The following BTF3 variants were observed in gnomAD, a reference collection of about 807,000 sequenced individuals.
BTF3 encodes the protein transcription factor BTF3.
In BTF3, 12 loss-of-function variants were observed where a neutral mutation model predicts 23.9. The observed-to-expected ratio is 0.50, with a 90% CI of 0.32 to 0.81. The LOEUF (loss-of-function observed/expected upper bound fraction) is 0.81. BTF3 is among the 40% of genes least tolerant of loss of function. The pLI is 0.03. For missense variants in BTF3, 215 were observed against 255.9 expected (o/e 0.84, Z 1.09); for synonymous variants, 96 against 94.8 (o/e 1.01, Z -0.07).
Position 73,498,736 on chromosome 5 carries a change from T to C in BTF3, c.69T>C (p.Pro23=). ...GAGGTCGAGCCAGGGGCGGCTGCCC[T>C]GGGGGCGAGGCGACGCTGTCTCAAC... ...RGRGRARGGC[P]GGEATLSQPP... is the part of the protein sequence containing the mutation. The change falls in exon 1 of 6, where the codon CCT becomes CCC. Residue 23 remains proline, a synonymous_variant. Coordinates refer to ENST00000380591, the MANE Select transcript of BTF3 (RefSeq NM_001037637.2). 1 of 1,489,224 alleles carries C rather than the reference T, an allele frequency of 6.7e-7. No homozygotes were observed. Among genetic ancestry groups the C allele is most frequent in the Admixed American group, 2.7e-5 (1 of 36,482 alleles). The allele number at this position is 1,489,224 out of a possible 1,614,324, so 92.3% of individuals were successfully genotyped here. A position where few individuals can be genotyped will look rare whatever the true frequency, so the allele number is the denominator to read the frequency against.
chr5:73,504,489 G>C (rs1746512387), intron 5 of BTF3, 86 bp downstream of exon 5: 1 of 1,053,312 alleles, frequency 9.5e-7, no homozygotes. Context: ...CCAGGGAAGA[G>C]GGGTGGTAAG....
intron 2 of BTF3, among the ~76,000 whole-genome samples, chr5:73,501,566 G>T (rs76577613): frequency 0.02 from 3,105 of 152,234 alleles, 97 homozygotes; most frequent in African/African-American, 0.071. Context: ...TGCAGTGAGG[G>T]AAAGAGCCAT....
Position 73,505,337 on chromosome 5 carries a change from T to C in BTF3, c.*99T>C. The stretch of plus-strand genomic sequence containing the variant: ...AAGAAATTTTTGTTTATGGATCTGA[T>C]AAAATCTAGATCTCTAATATTTTTA... On this transcript the variant is annotated 3_prime_UTR_variant, in exon 6 of 6. Transcript: ENST00000380591. The C allele has an allele frequency of 2.8e-6, 3 of 1,062,512 alleles. No individual in the cohort carries two copies. Among genetic ancestry groups the C allele is most frequent in the Non-Finnish European group, 4.1e-6 (3 of 725,304 alleles). The allele number at this position is 1,062,512 out of a possible 1,614,324, so 65.8% of individuals were successfully genotyped here.
chr5:73,503,516 C>CA (rs1239644538), intron 4 of BTF3, among the ~76,000 whole-genome samples: 3 of 152,090 alleles, frequency 2.0e-5, no homozygotes, highest in African/African-American at 7.2e-5. Context: ...AATGGCTTGC[C>CA]AGTATTCTGG....
At chr5:73,500,065 C>A (rs1254682686) in intron 2 of BTF3, among the ~76,000 whole-genome samples, 1 of 152,180 alleles carries the variant, frequency 6.6e-6, no homozygotes, top group Non-Finnish European at 1.5e-5. Context: ...TTAGAGTTAG[C>A]TGTGAGATAG....
chr5:73,504,601 A>G, intron 5 of BTF3, 198 bp downstream of exon 5: 1 of 432,792 alleles, frequency 2.3e-6, no homozygotes, highest in East Asian at 3.9e-5. Context: ...TCTGTTTGGG[A>G]TCCCAAGGAT....
rs1561254584 is a variant in BTF3 at position 73,502,473 on chromosome 5, TCTC to T, written c.202-13_202-11del. 1.9e-6 allele frequency: 3 copies of T among 1,567,720 alleles called. No individual in the cohort carries two copies. The East Asian group carries it at 6.7e-5, about 35-fold the overall frequency. On this transcript the variant is annotated splice_polypyrimidine_tract_variant and intron_variant, in intron 2 of 5. Transcript: ENST00000380591. Reference sequence around the variant, plus strand: ...ATAAATGTGCTGTTTTCTTTCCTCTTCTCCCTGACTTTAGGGAACTGCTCGCAG... The same window carrying T: ...ATAAATGTGCTGTTTTCTTTCCTCTTCCTGACTTTAGGGAACTGCTCGCAG...
At position 73,504,118 on chromosome 5, in the gene BTF3, G is replaced by A. The variant is rs142864602; in HGVS notation, c.518-229G>A. On this transcript the variant is annotated intron_variant, in intron 4 of 5. Coordinates refer to ENST00000380591, the MANE Select transcript of BTF3 (RefSeq NM_001037637.2). ...GTGGCCCAGAGGGATTGAAAGGATG[G>A]GTATGGAATTTTGTTTGTTGGCTGT... 7.4e-3 allele frequency among the ~76,000 whole-genome samples: 1,125 copies of A among 152,060 alleles called. 7 individuals are homozygous for A. The highest frequency in any genetic ancestry group is 0.013 in the Non-Finnish European group (866 of 67,992).
At chr5:73,499,642 G>A (rs1746386345) in intron 2 of BTF3, 1 of 256,076 alleles carries the variant, frequency 3.9e-6, no homozygotes, top group African/African-American at 2.3e-5. Context: ...TATTTCAAGG[G>A]TATTTGAAGA....
intron 2 of BTF3, among the ~76,000 whole-genome samples, chr5:73,501,182 G>A (rs1314494359): frequency 6.6e-6 from 1 of 152,110 alleles, no homozygotes; most frequent in Non-Finnish European, 1.5e-5. Context: ...AGGGAAAGGG[G>A]GTAATTGCAG....
Position 73,498,563 on chromosome 5 carries a change from A to C in BTF3, c.-105A>C. Reference sequence around the variant, plus strand: ...CCCCTTATTCGCTCCGACAAGGTACAAAAAGGCTCTGGACGGCGGCGTGGT... The same window carrying C: ...CCCCTTATTCGCTCCGACAAGGTACCAAAAGGCTCTGGACGGCGGCGTGGT... On this transcript the variant is annotated 5_prime_UTR_variant, in exon 1 of 6. Coordinates refer to ENST00000380591, the MANE Select transcript of BTF3 (RefSeq NM_001037637.2). 7.2e-7 allele frequency: 1 copy of C among 1,393,660 alleles called. No individual in the cohort carries two copies. The highest frequency in any genetic ancestry group is 1.6e-5 in the South Asian group (1 of 62,848). The allele number at this position is 1,393,660 out of a possible 1,614,324, so 86.3% of individuals were successfully genotyped here.
chr5:73,500,446 C>T (rs1211723432), intron 2 of BTF3, among the ~76,000 whole-genome samples: 1 of 152,148 alleles, frequency 6.6e-6, no homozygotes, highest in South Asian at 2.1e-4. Flanking sequence ...CTTTGGGAGA[C>T]ATCATTTTAG....
chr5:73,499,244 G>A (rs1182801900), intron 2 of BTF3, 42 bp downstream of exon 2: 1 of 1,579,770 alleles, frequency 6.3e-7, no homozygotes, highest in Non-Finnish European at 8.7e-7. Flanking sequence ...TTTTTTTAAG[G>A]TTTAGGTATT....
At chr5:73,504,237 G>A in intron 4 of BTF3, 110 bp from the exon 5 acceptor site, 1 of 698,398 alleles carries the variant, frequency 1.4e-6, no homozygotes, top group Admixed American at 3.9e-5. Flanking sequence ...ATGGAAATAA[G>A]TTGTAACAAC....
At position 73,503,130 on chromosome 5, in the gene BTF3, GTAA is replaced by G. The variant is rs780992997; in HGVS notation, c.517+15_517+17del. The G allele has an allele frequency of 6.2e-7, 1 of 1,610,782 alleles. No individual in the cohort carries two copies. The highest frequency in any genetic ancestry group is 1.8e-4 in the Middle Eastern group (1 of 5,500). On this transcript the variant is annotated intron_variant, in intron 4 of 5. Coordinates refer to ENST00000380591, the MANE Select transcript of BTF3 (RefSeq NM_001037637.2). ...CTGCCCAAACAATGTGAGTTTCCTA[GTAA>G]TGGTTTTACCAGGGAATTACTCATT...
chr5:73,498,688 C>A lies in BTF3; in HGVS notation c.21C>A (p.Pro7=). MRRTGA[P]AQADSRGRGR... ...AGGCGATGCGACGGACAGGCGCACCCGCTCAGGCTGACTCTCGGGGGCGAG... is the reference window on the plus strand; with the variant it reads ...AGGCGATGCGACGGACAGGCGCACCAGCTCAGGCTGACTCTCGGGGGCGAG... Residue 7 remains proline, a synonymous_variant, in exon 1 of 6, where the codon CCC becomes CCA. Coordinates refer to ENST00000380591, the MANE Select transcript of BTF3 (RefSeq NM_001037637.2). 6.7e-7 allele frequency: 1 copy of A among 1,499,768 alleles called. No homozygotes were observed. The highest frequency in any genetic ancestry group is 1.3e-5 in the South Asian group (1 of 79,744). The allele number at this position is 1,499,768 out of a possible 1,614,324, so 92.9% of individuals were successfully genotyped here.
intron 5 of BTF3, 58 bp from the exon 6 acceptor site, chr5:73,505,134 T>G (rs1746526836): frequency 7.2e-7 from 1 of 1,379,950 alleles, no homozygotes; most frequent in African/African-American, 1.4e-5. Flanking sequence ...TTTTAATATC[T>G]GATAATTATT....
rs765616938 is a variant in BTF3, at chr5:73,502,524, A to G, written c.238A>G (p.Thr80Ala). 1 of 1,609,194 alleles carries G rather than the reference A, an allele frequency of 6.2e-7. No homozygotes were observed. Among genetic ancestry groups the G allele is most frequent in the African/African-American group, 1.3e-5 (1 of 74,832 alleles). The change falls in exon 3 of 6, where the codon ACA (threonine) becomes GCA (alanine). Residue 80 changes from threonine (T) to alanine (A), a missense_variant. Physicochemically the swap from Thr to Ala is moderately conservative, Grantham distance 58 (BLOSUM62 0). Transcript: ENST00000380591. ...CAGAAAGAAGAAGGTGGTTCATAGA[A>G]CAGCCACAGCAGATGACAAAAAACT... ...ARRKKKVVHR[T>A]ATADDKKLQF...
chr5:73,504,531 G>A, intron 5 of BTF3, 128 bp downstream of exon 5: 1 of 620,792 alleles, frequency 1.6e-6, no homozygotes, highest in Non-Finnish European at 2.7e-6. Flanking sequence ...CTTAGAATGA[G>A]AAAAATAATG....
Sources: gnomAD v4.1 joint callset for allele counts (sites outside exome capture counted in the v4.1 genomes callset) on GRCh38, gnomAD v4.1.1 for gene constraint, MANE v1.5 for transcripts, NCBI Gene and HGNC (gene_info 2026-07-23, HGNC 2026-07-21) for gene names.